GALNTL6: variants seen among roughly 807,000 people sequenced by gnomAD.
The protein encoded by GALNTL6 is polypeptide N-acetylgalactosaminyltransferase-like 6.
Under a neutral mutation model 73.7 loss-of-function variants are expected in GALNTL6, and 46 were observed. The ratio of observed to expected loss-of-function variants is 0.62; its 90% CI spans 0.49 to 0.80. The LOEUF (loss-of-function observed/expected upper bound fraction) is 0.80, where lower values mean the gene tolerates loss of function less well. Among genes scored for constraint, GALNTL6 ranks in the 30% least tolerant of loss-of-function variants. The pLI is 0.00. For missense variants in GALNTL6, 604 were observed against 755.0 expected (o/e 0.80, Z 2.34); for synonymous variants, 259 against 263.7 (o/e 0.98, Z 0.17).
At chr4:172,958,090 G>A (rs1749844603) in intron 10 of GALNTL6, among the ~76,000 whole-genome samples, 1 of 152,210 alleles carries the variant, frequency 6.6e-6, no homozygotes, top group Non-Finnish European at 1.5e-5. Context: ...AACAAAGAGT[G>A]AGTACAGCTG....
In GALNTL6 at chr4:172,929,497, G is replaced by C. The variant is rs943128166; in HGVS notation, c.1042-1664G>C. ...TGGTCCACACGATTGTGGAAGCTTG[G>C]TAAGTCCACAATCTTCAGAGTAGGT... On this transcript the variant is annotated intron_variant, in intron 8 of 12. Coordinates refer to ENST00000506823, the MANE Select transcript of GALNTL6 (RefSeq NM_001034845.3). 2.0e-5 allele frequency among the ~76,000 whole-genome samples: 3 copies of C among 152,146 alleles called. No individual in the cohort carries two copies. The East Asian group carries it at 5.8e-4, about 29-fold the overall frequency.
At chr4:172,556,179 A>G (rs1017259044) in intron 5 of GALNTL6, among the ~76,000 whole-genome samples, 9 of 152,088 alleles carry the variant, frequency 5.9e-5, no homozygotes, top group African/African-American at 2.2e-4. Flanking sequence ...GAAATAGGGT[A>G]CTTAGCGTTT....
chr4:173,022,028 AAAGAAGGAAGGAAGG>A (rs1753012409), intron 12 of GALNTL6, among the ~76,000 whole-genome samples: 1 of 133,616 alleles, frequency 7.5e-6, no homozygotes, highest in African/African-American at 2.9e-5. Flanking sequence ...GGAAGGAAGG[AAAGAAGGAAGGAAGG>A]AAGGAAGGAA....
chr4:172,255,404 A>G (rs1490765583), intron 3 of GALNTL6, among the ~76,000 whole-genome samples: 1 of 151,592 alleles, frequency 6.6e-6, no homozygotes, highest in Non-Finnish European at 1.5e-5. Flanking sequence ...TATCAAGTAT[A>G]GAAGGTAAAT....
At chr4:173,035,108 A>G (rs1376641996) in intron 12 of GALNTL6, among the ~76,000 whole-genome samples, 1 of 139,102 alleles carries the variant, frequency 7.2e-6, no homozygotes, top group African/African-American at 2.8e-5. Context: ...TTTTTTTTTT[A>G]TTATACTTTA....
At chr4:172,856,626 C>G (rs899029578) in intron 7 of GALNTL6, among the ~76,000 whole-genome samples, 2 of 134,192 alleles carry the variant, frequency 1.5e-5, no homozygotes, top group Admixed American at 8.0e-5. Context: ...CATGAAGGTT[C>G]ATTGACTGTG....
intron 7 of GALNTL6, among the ~76,000 whole-genome samples, chr4:172,818,441 A>G (rs768247181): frequency 1.3e-5 from 2 of 152,174 alleles, no homozygotes; most frequent in Non-Finnish European, 2.9e-5. Context: ...TTCCTTAAAG[A>G]CTTCTAGAAC....
In GALNTL6 at chr4:172,936,275, G is replaced by A. The variant is rs545941268; in HGVS notation, c.1149+5007G>A. ...TCAATAAACTAGGTATCGATGGAACGTATCTCAAAATAATGAGAGCTATTT... is the reference window on the plus strand; with the variant it reads ...TCAATAAACTAGGTATCGATGGAACATATCTCAAAATAATGAGAGCTATTT... On this transcript the variant is annotated intron_variant, in intron 9 of 12. Transcript: ENST00000506823. Among the ~76,000 whole-genome samples, 10 of 152,218 alleles carry A rather than the reference G, an allele frequency of 6.6e-5. No homozygotes were observed. In the East Asian group the frequency reaches 7.7e-4, roughly 12 times the overall value.
chr4:172,294,063 C>T (rs188334106), intron 3 of GALNTL6, among the ~76,000 whole-genome samples: 16 of 151,176 alleles, frequency 1.1e-4, no homozygotes, highest in Admixed American at 8.6e-4. Context: ...CAATTTCATT[C>T]GTCTTCTTAC....
chr4:172,813,485 T>C, intron 6 of GALNTL6, 55 bp from the exon 7 acceptor site: 1 of 1,469,058 alleles, frequency 6.8e-7, no homozygotes, highest in Non-Finnish European at 9.4e-7. Flanking sequence ...TGCTGAAAAA[T>C]GATAGATGAC....
Position 172,348,609 on chromosome 4 carries a change from G to A in GALNTL6, c.473G>A (p.Arg158Gln), listed in dbSNP as rs149727048. Reference sequence around the variant, plus strand: ...AATGAAGGTTGGACTTCACTCCTGCGGACCATACACAGTATAATTAACCGA... The same window carrying A: ...AATGAAGGTTGGACTTCACTCCTGCAGACCATACACAGTATAATTAACCGA... ...FHNEGWTSLL[R>Q]TIHSIINRTP... The change falls in exon 5 of 13, where the codon CGG becomes CAG. Residue 158 changes from arginine (R) to glutamine (Q), a missense_variant. Coordinates refer to ENST00000506823, the MANE Select transcript of GALNTL6 (RefSeq NM_001034845.3). 3.1e-6 allele frequency: 5 copies of A among 1,612,174 alleles called. No homozygotes were observed. The Admixed American group carries it at 5.0e-5, about 16-fold the overall frequency.
In GALNTL6 at chr4:172,593,028, C is replaced by T. The variant is rs1579221644; in HGVS notation, c.554-216333C>T. Among the ~76,000 whole-genome samples the T allele has an allele frequency of 4.6e-5, 7 of 152,054 alleles. No homozygotes were observed. The South Asian group carries it at 1.2e-3, about 27-fold the overall frequency. On this transcript the variant is annotated intron_variant, in intron 5 of 12. Coordinates refer to ENST00000506823, the MANE Select transcript of GALNTL6 (RefSeq NM_001034845.3). ...AAAATAATACTCATTAAGTGCTTCC[C>T]CCGGGTTGTGTGACAAATGGTACTA... is the stretch of plus-strand genomic sequence containing the variant.
At chr4:172,484,358 T>C (rs774326832) in intron 5 of GALNTL6, among the ~76,000 whole-genome samples, 2 of 152,198 alleles carry the variant, frequency 1.3e-5, no homozygotes, top group African/African-American at 2.4e-5. Context: ...TAATATTTAA[T>C]GTTTAATATA....
intron 2 of GALNTL6, among the ~76,000 whole-genome samples, chr4:171,917,546 G>A (rs1737665961): frequency 6.6e-6 from 1 of 152,044 alleles, no homozygotes; most frequent in Admixed American, 6.6e-5. Flanking sequence ...TTTGGAGACT[G>A]TGAAACAGCT....
Position 172,054,598 on chromosome 4 carries a change from G to A in GALNTL6, c.139-175058G>A, listed in dbSNP as rs74560549. Among the ~76,000 whole-genome samples, 1,071 of 152,204 alleles carry A rather than the reference G, an allele frequency of 7.0e-3. 6 individuals are homozygous for A. Among genetic ancestry groups the A allele is most frequent in the African/African-American group, 0.019 (785 of 41,538 alleles). On this transcript the variant is annotated intron_variant, in intron 2 of 12. Coordinates refer to ENST00000506823, the MANE Select transcript of GALNTL6 (RefSeq NM_001034845.3). ...GTTGGAAAGGGCCTCTTTTATAAGG[G>A]TATTAATCTTGTTCACAAGAACTCC...
intron 5 of GALNTL6, among the ~76,000 whole-genome samples, chr4:172,694,582 G>A (rs906610003): frequency 6.6e-6 from 1 of 152,124 alleles, no homozygotes; most frequent in African/African-American, 2.4e-5. Context: ...GGACTTCTCA[G>A]TGTTGAGCAT....
chr4:172,121,378 G>C (rs1384584394), intron 2 of GALNTL6, among the ~76,000 whole-genome samples: 2 of 151,554 alleles, frequency 1.3e-5, no homozygotes, highest in Non-Finnish European at 2.9e-5. Flanking sequence ...TCATATATAA[G>C]AACCCTCACT....
intron 5 of GALNTL6, among the ~76,000 whole-genome samples, chr4:172,726,762 G>A (rs1193128381): frequency 6.6e-6 from 1 of 152,168 alleles, no homozygotes; most frequent in African/African-American, 2.4e-5. Context: ...TGTTCTAGGA[G>A]CTTGAAATAC....
intron 5 of GALNTL6, among the ~76,000 whole-genome samples, chr4:172,388,830 T>C (rs1414717038): frequency 6.6e-6 from 1 of 152,020 alleles, no homozygotes; most frequent in African/African-American, 2.4e-5. Context: ...GCTTCGGGGG[T>C]AGCGGGTACC....
Sources: allele counts gnomAD v4.1 joint callset (sites outside exome capture counted in the v4.1 genomes callset), GRCh38; gene constraint gnomAD v4.1.1; transcripts MANE v1.5; gene names NCBI Gene and HGNC (gene_info 2026-07-23, HGNC 2026-07-21).